TYW1B: variants seen among roughly 807,000 people sequenced by gnomAD.
TYW1B encodes tRNA-yW synthesizing protein 1 homolog B.
Under a neutral mutation model 86.9 loss-of-function variants are expected in TYW1B, and 73 were observed. That is an observed-to-expected ratio of 0.84 (90% CI 0.70 to 1.02). The LOEUF (loss-of-function observed/expected upper bound fraction) is 1.02. Among genes scored for constraint, TYW1B ranks in the 50% least tolerant of loss-of-function variants. The pLI is 0.00. For synonymous variants in TYW1B, 248 were observed against 292.8 expected, an observed-to-expected ratio of 0.85 and a Z score of 1.56; for missense variants, 637 against 827.4, an observed-to-expected ratio of 0.77 and a Z score of 2.82.
chr7:72,612,631 C>T (rs1378017418), intron 13 of TYW1B, among the ~76,000 whole-genome samples: 2 of 152,100 alleles, frequency 1.3e-5, no homozygotes, highest in Non-Finnish European at 2.9e-5. Context: ...ACACCAGGTA[C>T]CAAGTGTGAG....
At chr7:72,664,252 C>CT (rs782618489) in intron 11 of TYW1B, among the ~76,000 whole-genome samples, 14 of 149,654 alleles carry the variant, frequency 9.4e-5, no homozygotes, top group South Asian at 4.3e-4. Context: ...ATTTGGGTTT[C>CT]TTTTTTTTTT....
intron 7 of TYW1B, among the ~76,000 whole-genome samples, chr7:72,758,603 C>G (rs1327052200): frequency 6.6e-6 from 1 of 152,142 alleles, no homozygotes; most frequent in Non-Finnish European, 1.5e-5. Flanking sequence ...CTCTCCACCA[C>G]CATGATTCGC....
chr7:72,682,431 G>A (rs538508885), intron 11 of TYW1B, among the ~76,000 whole-genome samples: 1 of 152,246 alleles, frequency 6.6e-6, no homozygotes, highest in South Asian at 2.1e-4. Flanking sequence ...GGCTAGGAAA[G>A]AACCAGAAAA....
intron 8 of TYW1B, among the ~76,000 whole-genome samples, chr7:72,743,445 G>GT (rs1214437441): frequency 4.6e-5 from 7 of 152,166 alleles, no homozygotes; most frequent in African/African-American, 1.4e-4. Flanking sequence ...AGATCTGATA[G>GT]TAAGGAAGTC....
At chr7:72,597,393 C>A (rs1353611925) in intron 13 of TYW1B, among the ~76,000 whole-genome samples, 1 of 152,066 alleles carries the variant, frequency 6.6e-6, no homozygotes, top group African/African-American at 2.4e-5. Context: ...ATATTATGAG[C>A]AACGTAATCA....
intron 4 of TYW1B, among the ~76,000 whole-genome samples, chr7:72,808,026 G>A (rs1788528950): frequency 6.6e-6 from 1 of 151,584 alleles, no homozygotes; most frequent in Non-Finnish European, 1.5e-5. Context: ...TTGAACCCTG[G>A]AGGCAGAAGT....
chr7:72,632,285 G>GTATATATATATATATATATATATTA (rs1239640717), intron 11 of TYW1B, among the ~76,000 whole-genome samples: 46 of 83,538 alleles, frequency 5.5e-4, no homozygotes, highest in African/African-American at 3.0e-3. Flanking sequence ...ATATATACGT[G>GTATATATATATATATATATATATTA]TATATATATA....
intron 11 of TYW1B, among the ~76,000 whole-genome samples, chr7:72,642,176 G>T (rs1403095539): frequency 1.3e-5 from 2 of 152,234 alleles, no homozygotes; most frequent in South Asian, 4.1e-4. Context: ...TTATTCACAG[G>T]CAAATGAACC....
intron 7 of TYW1B, among the ~76,000 whole-genome samples, chr7:72,746,961 A>G (rs577526510): frequency 1.3e-5 from 2 of 152,350 alleles, no homozygotes; most frequent in East Asian, 3.9e-4. Context: ...TAATTTTTAT[A>G]TAAGGTGTGA....
intron 8 of TYW1B, among the ~76,000 whole-genome samples, chr7:72,741,347 G>T (rs1787301511): frequency 6.6e-6 from 1 of 152,112 alleles, no homozygotes; most frequent in Non-Finnish European, 1.5e-5. Context: ...TCACTAGAGG[G>T]TTTCAACAGA....
At chr7:72,802,724 G>T (rs1468730193) in intron 5 of TYW1B, among the ~76,000 whole-genome samples, 4 of 151,846 alleles carry the variant, frequency 2.6e-5, no homozygotes, top group Non-Finnish European at 5.9e-5. Flanking sequence ...AGGTTCAAGC[G>T]ATTCTCCTGC....
chr7:72,721,319 T>TAC (rs1486738329), intron 9 of TYW1B, among the ~76,000 whole-genome samples: 1 of 152,216 alleles, frequency 6.6e-6, no homozygotes, highest in Non-Finnish European at 1.5e-5. Context: ...GAGGAATCAC[T>TAC]ACACTGTCTT....
intron 8 of TYW1B, among the ~76,000 whole-genome samples, chr7:72,742,071 T>C (rs1178085870): frequency 6.6e-6 from 1 of 152,064 alleles, no homozygotes; most frequent in Non-Finnish European, 1.5e-5. Flanking sequence ...GTAAAATACA[T>C]AGGTAAATAC....
chr7:72,585,434 C>A (rs1326869165), intron 13 of TYW1B, among the ~76,000 whole-genome samples: 1 of 152,172 alleles, frequency 6.6e-6, no homozygotes, highest in East Asian at 1.9e-4. Flanking sequence ...TAACACTATA[C>A]CATTCTTTAT....
chr7:72,683,908 C>T (rs547688531), intron 11 of TYW1B, among the ~76,000 whole-genome samples: 3 of 152,010 alleles, frequency 2.0e-5, no homozygotes, highest in Non-Finnish European at 4.4e-5. Context: ...AGAACAAAAC[C>T]GAAATGCTGG....
At chr7:72,768,240 C>CAA (rs34109354) in intron 7 of TYW1B, among the ~76,000 whole-genome samples, 2 of 141,834 alleles carry the variant, frequency 1.4e-5, no homozygotes, top group African/African-American at 2.6e-5. Flanking sequence ...GACCCTACCT[C>CAA]AAAAAAAAAA....
intron 9 of TYW1B, among the ~76,000 whole-genome samples, chr7:72,727,831 A>AAAAAAAAAAAAAAAAAAAAG (rs1554237443): frequency 9.6e-6 from 1 of 104,196 alleles, no homozygotes; most frequent in African/African-American, 3.3e-5. Context: ...AAAAAAAAAA[A>AAAAAAAAAAAAAAAAAAAAG]AAGAAGAAAG....
chr7:72,740,849 G>A (rs189395890), intron 8 of TYW1B, among the ~76,000 whole-genome samples: 13 of 150,484 alleles, frequency 8.6e-5, no homozygotes, highest in African/African-American at 3.2e-4. Context: ...TCCTGCCTCA[G>A]CCTCCCAAGT....
At chr7:72,632,421 AT>A (rs1812549368) in intron 11 of TYW1B, among the ~76,000 whole-genome samples, 4 of 113,286 alleles carry the variant, frequency 3.5e-5, no homozygotes, top group African/African-American at 1.6e-4. Context: ...ACATATATAT[AT>A]AAAATATATA....
Sources: gnomAD v4.1 joint callset for allele counts (sites outside exome capture counted in the v4.1 genomes callset) on GRCh38, gnomAD v4.1.1 for gene constraint, MANE v1.5 for transcripts, NCBI Gene and HGNC (gene_info 2026-07-23, HGNC 2026-07-21) for gene names.